Variants in CCDC171 observed in about 807,000 individuals in gnomAD.
CCDC171 encodes coiled-coil domain containing 171.
CCDC171 carries 177 observed loss-of-function variants against 168.2 expected under a neutral mutation model. That is an observed-to-expected ratio of 1.05 (90% CI 0.93 to 1.19). The LOEUF (loss-of-function observed/expected upper bound fraction) is 1.19. CCDC171 is among the 50% of genes most tolerant of loss of function. The pLI, the probability that CCDC171 is intolerant of heterozygous loss-of-function variation, is 0.00. For missense variants in CCDC171, 1,991 were observed against 1,539.0 expected (o/e 1.29, Z -4.91); for synonymous variants, 687 against 540.8 (o/e 1.27, Z -3.75).
intron 18 of CCDC171, among the ~76,000 whole-genome samples, chr9:15,758,889 C>T (rs2056290015): frequency 1.3e-5 from 2 of 152,152 alleles, no homozygotes; most frequent in South Asian, 4.2e-4. Flanking sequence ...GAGGCTTCCC[C>T]AGCCATGTGG....
At chr9:16,095,393 C>A in the CCDC171 span, among the ~76,000 whole-genome samples, 5 of 152,134 alleles carry the variant, frequency 3.3e-5, no homozygotes, top group Non-Finnish European at 7.3e-5. Context: ...AGTTCTTTCC[C>A]CTACTCCTAT....
At chr9:15,732,603 C>T (rs552978475) in intron 16 of CCDC171, among the ~76,000 whole-genome samples, 1 of 152,118 alleles carries the variant, frequency 6.6e-6, no homozygotes. Context: ...GAGATTCAGT[C>T]ACATTGTTGC....
At chr9:15,897,019 A>G (rs1160587753) in intron 24 of CCDC171, among the ~76,000 whole-genome samples, 2 of 152,078 alleles carry the variant, frequency 1.3e-5, no homozygotes, top group African/African-American at 4.8e-5. Flanking sequence ...CTTAGTAGTT[A>G]AAATGGAAAT....
intron 1 of CCDC171, among the ~76,000 whole-genome samples, chr9:16,046,309 G>T (rs568200836): frequency 6.6e-6 from 1 of 152,124 alleles, no homozygotes; most frequent in Non-Finnish European, 1.5e-5. Context: ...GGGTGCATTA[G>T]AGTAGGCAGT....
At chr9:15,818,605 T>C (rs1470102552) in intron 21 of CCDC171, among the ~76,000 whole-genome samples, 1 of 115,394 alleles carries the variant, frequency 8.7e-6, no homozygotes, top group Non-Finnish European at 1.9e-5. Flanking sequence ...CGATGGAAGA[T>C]GAAATGAATG....
chr9:15,914,869 G>A (rs1447108439), intron 24 of CCDC171, among the ~76,000 whole-genome samples: 1 of 152,100 alleles, frequency 6.6e-6, no homozygotes, highest in Non-Finnish European at 1.5e-5. Flanking sequence ...TCACGTCAGG[G>A]TCCCTCATGG....
At chr9:16,067,195 C>T in the CCDC171 span, among the ~76,000 whole-genome samples, 3,635 of 151,642 alleles carry the variant, frequency 0.024, 139 homozygotes, top group African/African-American at 0.082. Context: ...TTTTGATTTG[C>T]ATTTCTCTGA....
intron 4 of CCDC171, among the ~76,000 whole-genome samples, chr9:15,590,757 TTCTTTCTTTCTTTC>T (rs144256654): frequency 3.3e-4 from 44 of 134,416 alleles, no homozygotes; most frequent in African/African-American, 7.6e-4. Context: ...GATTTTTTTC[TTCTTTCTTTCTTTC>T]TCTTTCTTTC....
intron 5 of CCDC171, among the ~76,000 whole-genome samples, chr9:15,592,469 G>A (rs904660941): frequency 9.2e-5 from 14 of 152,072 alleles, no homozygotes; most frequent in African/African-American, 3.4e-4. Flanking sequence ...TTACACAAAA[G>A]CATTTAAAAA....
At chr9:15,884,178 C>G (rs1170563877) in intron 24 of CCDC171, among the ~76,000 whole-genome samples, 2 of 151,952 alleles carry the variant, frequency 1.3e-5, no homozygotes. Context: ...TTTCTGTGAC[C>G]CCTTGACCCT....
chr9:15,966,884 T>A (rs138817490), intron 25 of CCDC171, among the ~76,000 whole-genome samples: 1 of 105,356 alleles, frequency 9.5e-6, no homozygotes, highest in East Asian at 2.2e-4. Context: ...TGATAGCAGA[T>A]GTGTGTGTGT....
At chr9:16,053,580 C>T (rs908358414) in intron 1 of CCDC171, among the ~76,000 whole-genome samples, 8 of 152,224 alleles carry the variant, frequency 5.3e-5, no homozygotes, top group South Asian at 2.1e-4. Flanking sequence ...TCTCTCATCT[C>T]CTGCTCCCGT....
intron 4 of CCDC171, among the ~76,000 whole-genome samples, chr9:15,586,179 A>C (rs547740147): frequency 1.3e-5 from 2 of 152,330 alleles, no homozygotes; most frequent in South Asian, 4.1e-4. Flanking sequence ...TGGGTGGATA[A>C]ATGAATGCAT....
intron 18 of CCDC171, among the ~76,000 whole-genome samples, chr9:15,750,114 C>T (rs1323319404): frequency 6.6e-6 from 1 of 150,552 alleles, no homozygotes; most frequent in Non-Finnish European, 1.5e-5. Context: ...CAAATAGATG[C>T]AATAAAAAAT....
intron 25 of CCDC171, among the ~76,000 whole-genome samples, chr9:15,925,590 A>G (rs1458066204): frequency 6.6e-6 from 1 of 151,626 alleles, no homozygotes; most frequent in Non-Finnish European, 1.5e-5. Context: ...GTGAGGAACC[A>G]GCTAGACATG....
At chr9:15,944,128 T>A (rs1326245146) in intron 25 of CCDC171, among the ~76,000 whole-genome samples, 1 of 151,908 alleles carries the variant, frequency 6.6e-6, no homozygotes, top group African/African-American at 2.4e-5. Flanking sequence ...CCCTTACAGG[T>A]TTTTTTGTGA....
chr9:15,927,900 A>G (rs1232714932), intron 25 of CCDC171, among the ~76,000 whole-genome samples: 1 of 151,750 alleles, frequency 6.6e-6, no homozygotes, highest in African/African-American at 2.4e-5. Flanking sequence ...ACAAACATTC[A>G]TATACCTTAT....
rs148289547 is a variant in CCDC171, at chr9:15,944,959, C to T, written c.3753+24537C>T. On this transcript the variant is annotated intron_variant, in intron 25 of 25. Transcript: ENST00000380701. ...GGTTAGTTACATATGTATACATGTG[C>T]CATGCTGGTGCGCTGCACCCACTAA... Among the ~76,000 whole-genome samples the T allele has an allele frequency of 5.2e-3, 788 of 151,192 alleles. 8 individuals carry two copies. The highest frequency in any genetic ancestry group is 0.018 in the African/African-American group (746 of 41,090).
intron 3 of CCDC171, among the ~76,000 whole-genome samples, chr9:15,576,549 G>A (rs143291509): frequency 1.3e-5 from 2 of 152,218 alleles, no homozygotes; most frequent in East Asian, 3.9e-4. Flanking sequence ...AAGGAAAAGG[G>A]AGGCTTGGTT....
Sources: allele counts gnomAD v4.1 joint callset (sites outside exome capture counted in the v4.1 genomes callset), GRCh38; gene constraint gnomAD v4.1.1; transcripts MANE v1.5; gene names NCBI Gene and HGNC (gene_info 2026-07-23, HGNC 2026-07-21).